The following FANCA variants were observed in gnomAD, a reference collection of about 807,000 sequenced individuals.
FANCA encodes FA complementation group A.
FANCA carries 236 observed loss-of-function variants against 194.3 expected under a neutral mutation model. The ratio of observed to expected loss-of-function variants is 1.21; its 90% CI spans 1.09 to 1.35. The LOEUF (loss-of-function observed/expected upper bound fraction) is 1.35, where lower values mean the gene tolerates loss of function less well. Ranked by LOEUF, FANCA falls within the 40% of genes most tolerant of loss-of-function variation. The probability of loss-of-function intolerance (pLI) is 0.00; values close to 1 mark genes in which losing one functional copy is unlikely to be tolerated. For synonymous variants in FANCA, 1,014 were observed against 715.8 expected (o/e 1.42, Z -6.65); for missense variants, 2,628 against 1,813.9 (o/e 1.45, Z -8.15).
chr16:89,742,572 G>T (rs978846931), intron 37 of FANCA, among the ~76,000 whole-genome samples: 4 of 151,306 alleles, frequency 2.6e-5, no homozygotes, highest in African/African-American at 9.7e-5. Flanking sequence ...CACTTTGGGA[G>T]GCCAAGGCGG....
chr16:89,776,168 T>TA (rs2039497819), intron 20 of FANCA, among the ~76,000 whole-genome samples: 1 of 137,738 alleles, frequency 7.3e-6, no homozygotes, highest in Admixed American at 7.2e-5. Flanking sequence ...TCTTTTTTTT[T>TA]TTTTTTTTTT....
At chr16:89,740,610 T>A in intron 38 of FANCA, 194 bp downstream of exon 38, 1 of 586,930 alleles carries the variant, frequency 1.7e-6, no homozygotes, top group East Asian at 2.9e-5. Context: ...CACTCCAGCC[T>A]GGGTGACAGA....
Position 89,771,839 on chromosome 16 carries a change from G to A in FANCA, c.2015-25C>T, listed in dbSNP as rs184011480. ...ACTGCGAAGGAAGAAACTAGTTAGG[G>A]ATGACAAGAACCCCGAAAGGAGGGA... On this transcript the variant is annotated intron_variant, in intron 22 of 42. Transcript: ENST00000389301. The A allele has an allele frequency of 5.2e-5, 84 of 1,612,998 alleles. No individual in the cohort carries two copies. The African/African-American group carries it at 8.4e-4, about 16-fold the overall frequency.
intron 5 of FANCA, chr16:89,810,436 A>G (rs923072072): frequency 4.8e-6 from 2 of 413,886 alleles, no homozygotes; most frequent in East Asian, 9.5e-5. Context: ...AAAATTCTCC[A>G]TACTAATATA....
intron 14 of FANCA, among the ~76,000 whole-genome samples, chr16:89,786,126 C>T (rs1172317461): frequency 6.7e-6 from 1 of 148,354 alleles, no homozygotes; most frequent in Non-Finnish European, 1.5e-5. Context: ...TCAAGTGATT[C>T]TCCCACCTCT....
intron 33 of FANCA, among the ~76,000 whole-genome samples, chr16:89,747,672 G>C (rs1041131562): frequency 1.3e-5 from 2 of 152,074 alleles, no homozygotes; most frequent in Non-Finnish European, 2.9e-5. Flanking sequence ...CTGCACTCCA[G>C]CCTGGGCGAC....
intron 29 of FANCA, 33 bp downstream of exon 29, chr16:89,761,916 T>C: frequency 1.9e-6 from 3 of 1,576,538 alleles, no homozygotes; most frequent in African/African-American, 1.3e-5. Flanking sequence ...TGAGCCATCA[T>C]GCCTGGCCAG....
chr16:89,769,735 G>T (rs1567617892), intron 26 of FANCA, 102 bp downstream of exon 26: 4 of 1,335,260 alleles, frequency 3.0e-6, no homozygotes, highest in South Asian at 1.3e-5. Context: ...GTTATCTTTG[G>T]GTGGTATGTC....
chr16:89,815,474 G>A (rs1044696897), intron 2 of FANCA, among the ~76,000 whole-genome samples: 1 of 149,994 alleles, frequency 6.7e-6, no homozygotes, highest in African/African-American at 2.5e-5. Flanking sequence ...TCCTGCCTCA[G>A]GCTCCCGAGT....
intron 33 of FANCA, among the ~76,000 whole-genome samples, chr16:89,747,637 T>A (rs1398601858): frequency 6.6e-6 from 1 of 152,038 alleles, no homozygotes; most frequent in Non-Finnish European, 1.5e-5. Context: ...AGGCGGAGGT[T>A]GCAGGGTGAG....
At chr16:89,798,662 G>C (rs547575918) in intron 10 of FANCA, 4 of 1,244,856 alleles carry the variant, frequency 3.2e-6, no homozygotes, top group Non-Finnish European at 4.1e-6. Context: ...AAGGGTCTCC[G>C]CACATCTCCA....
At chr16:89,791,749 C>G in intron 13 of FANCA, 178 bp downstream of exon 13, 2 of 974,332 alleles carry the variant, frequency 2.1e-6, no homozygotes, top group Admixed American at 2.0e-5. Flanking sequence ...CTCAGAGCAG[C>G]AGTCAGTGCT....
chr16:89,738,510 A>T lies in FANCA; in HGVS notation c.*91T>A. 1 of 1,580,174 alleles carries T rather than the reference A, an allele frequency of 6.3e-7. No individual in the cohort carries two copies. The highest frequency in any genetic ancestry group is 2.2e-5 in the East Asian group (1 of 44,720). ...CACTAAAGCAGTCGAGGAGATTTGT[A>T]ATCCACTTTTTAGTGCAACAAGAGC... On this transcript the variant is annotated 3_prime_UTR_variant, in exon 43 of 43. Coordinates refer to ENST00000389301, the MANE Select transcript of FANCA (RefSeq NM_000135.4).
At chr16:89,753,613 G>A (rs1213708363) in intron 30 of FANCA, among the ~76,000 whole-genome samples, 1 of 152,162 alleles carries the variant, frequency 6.6e-6, no homozygotes, top group East Asian at 1.9e-4. Flanking sequence ...AGGAACAAAG[G>A]AAATCTTCTC....
chr16:89,779,982 G>C, intron 17 of FANCA, 25 bp from the exon 18 acceptor site: 2 of 1,603,330 alleles, frequency 1.2e-6, no homozygotes, highest in South Asian at 1.1e-5. Flanking sequence ...GGGAGGAAAG[G>C]AAAAAGAACA....
At position 89,779,972 on chromosome 16, in the gene FANCA, G is replaced by C. The variant is rs779706968; in HGVS notation, c.1627-15C>G. ...TGGCTGTGGGGCTGGTTCCCATACA[G>C]GGAGGAAAGGAAAAAGAACAGAGGA... On this transcript the variant is annotated splice_polypyrimidine_tract_variant and intron_variant, in intron 17 of 42. Coordinates refer to ENST00000389301, the MANE Select transcript of FANCA (RefSeq NM_000135.4). 8.1e-6 allele frequency: 13 copies of C among 1,611,210 alleles called. No individual in the cohort carries two copies. The highest frequency in any genetic ancestry group is 1.1e-5 in the Non-Finnish European group (13 of 1,177,332).
At chr16:89,786,973 G>A (rs2039918551) in intron 14 of FANCA, among the ~76,000 whole-genome samples, 2 of 152,142 alleles carry the variant, frequency 1.3e-5, no homozygotes, top group African/African-American at 4.8e-5. Context: ...AATTAACAGT[G>A]AGCCAGATGA....
intron 7 of FANCA, among the ~76,000 whole-genome samples, chr16:89,804,908 G>C (rs1161156472): frequency 6.6e-6 from 1 of 152,076 alleles, no homozygotes; most frequent in African/African-American, 2.4e-5. Flanking sequence ...ATGGTGCCAC[G>C]TGCCTGCAGT....
chr16:89,762,610 C>G (rs2038990208), intron 28 of FANCA: 1 of 205,726 alleles, frequency 4.9e-6, no homozygotes, highest in African/African-American at 2.4e-5. Context: ...AAAACAACAA[C>G]ATTCTACAGC....
Sources: gnomAD v4.1 joint callset for allele counts (sites outside exome capture counted in the v4.1 genomes callset) on GRCh38, gnomAD v4.1.1 for gene constraint, MANE v1.5 for transcripts, NCBI Gene and HGNC (gene_info 2026-07-23, HGNC 2026-07-21) for gene names.